The following SLC23A2 variants were observed in gnomAD, a reference collection of about 807,000 sequenced individuals.
SLC23A2 encodes Na(+)/L-ascorbic acid transporter 2.
Under a neutral mutation model 73.3 loss-of-function variants are expected in SLC23A2, and 36 were observed. That is an observed-to-expected ratio of 0.49 (90% CI 0.38 to 0.65). SLC23A2 has a LOEUF of 0.65. Ranked by LOEUF, SLC23A2 falls within the 30% of genes least tolerant of loss-of-function variation. The pLI, the probability that SLC23A2 is intolerant of heterozygous loss-of-function variation, is 0.00. For synonymous variants in SLC23A2, 343 were observed against 327.3 expected (o/e 1.05, Z -0.52); for missense variants, 507 against 841.6 (o/e 0.60, Z 4.92).
chr20:4,863,626 C>T lies in SLC23A2; in HGVS notation c.1357-719G>A, dbSNP rs987033164. Reference sequence around the variant, plus strand: ...TTCCTGCACCCATTCCATGGGGCCACGGGGTCACCTTTCTAACACATGAAA... The same window carrying T: ...TTCCTGCACCCATTCCATGGGGCCATGGGGTCACCTTTCTAACACATGAAA... On this transcript the variant is annotated intron_variant, in intron 13 of 16. Coordinates refer to ENST00000338244, the MANE Select transcript of SLC23A2 (RefSeq NM_005116.6). The surrounding 1 kb of genome is among the most constrained non-coding windows in gnomAD (Gnocchi z 4.8). Among the ~76,000 whole-genome samples, 2 of 152,190 alleles carry T rather than the reference C, an allele frequency of 1.3e-5. No individual in the cohort carries two copies. Among genetic ancestry groups the T allele is most frequent in the East Asian group, 1.9e-4 (1 of 5,182 alleles).
intron 2 of SLC23A2, among the ~76,000 whole-genome samples, chr20:4,967,412 C>T (rs1253573795): frequency 6.6e-6 from 1 of 152,090 alleles, no homozygotes. Context: ...CAGACTTGTT[C>T]TAATTTGCTT....
chr20:4,904,901 G>A (rs895367257), intron 4 of SLC23A2, among the ~76,000 whole-genome samples: 4 of 152,132 alleles, frequency 2.6e-5, no homozygotes, highest in Admixed American at 1.3e-4. Context: ...ATCACCTGAG[G>A]TCAGGAGTTC....
chr20:4,920,582 T>C (rs979764614), intron 3 of SLC23A2, among the ~76,000 whole-genome samples: 3 of 152,232 alleles, frequency 2.0e-5, no homozygotes, highest in South Asian at 2.1e-4. Flanking sequence ...AAATAAATTA[T>C]GGTGTATCTA....
In SLC23A2 at chr20:4,897,150, A is replaced by G. The variant is rs530928870; in HGVS notation, c.482+2405T>C. 3.3e-5 allele frequency among the ~76,000 whole-genome samples: 5 copies of G among 152,238 alleles called. No individual in the cohort carries two copies. In the East Asian group the frequency reaches 9.7e-4, roughly 29 times the overall value. On this transcript the variant is annotated intron_variant, in intron 6 of 16. Coordinates refer to ENST00000338244, the MANE Select transcript of SLC23A2 (RefSeq NM_005116.6). ...ACCTGCCACATAGACCAGTCACTGAATATCTGCAGGGCTGAGCCAGTACTC... is the reference window on the plus strand; with the variant it reads ...ACCTGCCACATAGACCAGTCACTGAGTATCTGCAGGGCTGAGCCAGTACTC...
chr20:4,908,584 A>C (rs1932036010), intron 4 of SLC23A2, among the ~76,000 whole-genome samples: 1 of 152,240 alleles, frequency 6.6e-6, no homozygotes, highest in South Asian at 2.1e-4. Flanking sequence ...TTAAGTAATA[A>C]AATCAATTAG....
In SLC23A2 at chr20:4,998,631, G is replaced by A. The variant is rs912720883; in HGVS notation, c.-282+2775C>T. 7.2e-5 allele frequency among the ~76,000 whole-genome samples: 11 copies of A among 152,114 alleles called. No homozygotes were observed. Among genetic ancestry groups the A allele is most frequent in the Non-Finnish European group, 1.3e-4 (9 of 68,020 alleles). ...ATGAGGTGAGGTTACTGGGCACTGG[G>A]AACCAACAGACTGGTGTGTGAGAGT... is the stretch of plus-strand genomic sequence containing the variant. On this transcript the variant is annotated intron_variant, in intron 1 of 16. Transcript: ENST00000338244. This position sits in a 1 kb window ranked among gnomAD's most constrained non-coding sequence, Gnocchi z 4.1.
chr20:4,890,870 A>G (rs1185870478), intron 6 of SLC23A2, among the ~76,000 whole-genome samples: 3 of 152,190 alleles, frequency 2.0e-5, no homozygotes, highest in African/African-American at 7.2e-5. Context: ...ATTCTGCTGC[A>G]TATCTATTGC....
At chr20:4,983,799 A>C (rs1600202630) in intron 1 of SLC23A2, among the ~76,000 whole-genome samples, 1 of 151,846 alleles carries the variant, frequency 6.6e-6, no homozygotes, top group East Asian at 1.9e-4. Context: ...TCTACTAAAA[A>C]TACAAAATTA....
chr20:4,940,872 G>C (rs1427809945), intron 2 of SLC23A2, among the ~76,000 whole-genome samples: 1 of 152,156 alleles, frequency 6.6e-6, no homozygotes, highest in Non-Finnish European at 1.5e-5. Flanking sequence ...AAGGTTTTAG[G>C]TTGCCAGGTA....
At position 4,947,613 on chromosome 20, in the gene SLC23A2, GGTT is replaced by G. The variant is rs1460959635; in HGVS notation, c.-154-14900_-154-14898del. Among the ~76,000 whole-genome samples, 1 of 152,136 alleles carries G rather than the reference GGTT, an allele frequency of 6.6e-6. No individual in the cohort carries two copies. The highest frequency in any genetic ancestry group is 1.5e-5 in the Non-Finnish European group (1 of 68,026). ...TAGCCCTTATAAAAATTCTGGGAGGGGTTGTTATTCTCTCCATTTCACAGATGA... is the reference window on the plus strand; with the variant it reads ...TAGCCCTTATAAAAATTCTGGGAGGGGTTATTCTCTCCATTTCACAGATGA... On this transcript the variant is annotated intron_variant, in intron 2 of 16. Coordinates refer to ENST00000338244, the MANE Select transcript of SLC23A2 (RefSeq NM_005116.6). This position sits in a 1 kb window ranked among gnomAD's most constrained non-coding sequence, Gnocchi z 4.4.
At chr20:4,861,303 G>A (rs1600073688) in intron 15 of SLC23A2, among the ~76,000 whole-genome samples, 1 of 152,262 alleles carries the variant, frequency 6.6e-6, no homozygotes, top group East Asian at 1.9e-4. Context: ...CAGAGGTGAT[G>A]GCTGCACAAC....
intron 1 of SLC23A2, among the ~76,000 whole-genome samples, chr20:4,979,286 C>A (rs1440963977): frequency 1.3e-5 from 2 of 151,764 alleles, no homozygotes; most frequent in African/African-American, 2.4e-5. Flanking sequence ...GGGTGAGACC[C>A]CCATCTCAAA....
chr20:4,888,863 G>T (rs564879309), intron 6 of SLC23A2, among the ~76,000 whole-genome samples: 1 of 152,322 alleles, frequency 6.6e-6, no homozygotes, highest in African/African-American at 2.4e-5. Flanking sequence ...CTCTGGGAGT[G>T]CTGGTTAAAT....
Position 4,885,902 on chromosome 20 carries a change from G to C in SLC23A2, c.490C>G (p.Leu164Val). 6.2e-7 allele frequency: 1 copy of C among 1,611,938 alleles called. No individual in the cohort carries two copies. The highest frequency in any genetic ancestry group is 8.5e-7 in the Non-Finnish European group (1 of 1,178,704). Reference protein sequence around the residue: ...LQTTFGCRLPLFQASAFAFLA... With the variant: ...LQTTFGCRLPVFQASAFAFLA... ...AATGCAAAAGCACTGGCCTGAAACA[G>C]GGGTAACCTAAAAGAAACGAGACCA... Residue 164 changes from leucine (L) to valine (V), a missense_variant, in exon 7 of 17, where the codon CTG (leucine) becomes GTG (valine). Transcript: ENST00000338244.
rs770027093 is a variant in SLC23A2, at chr20:4,899,363, G to A, written c.482+192C>T. Among the ~76,000 whole-genome samples the A allele has an allele frequency of 4.6e-5, 7 of 152,118 alleles. No individual in the cohort carries two copies. The highest frequency in any genetic ancestry group is 9.7e-5 in the African/African-American group (4 of 41,408). On this transcript the variant is annotated intron_variant, in intron 6 of 16. Coordinates refer to ENST00000338244, the MANE Select transcript of SLC23A2 (RefSeq NM_005116.6). The surrounding 1 kb of genome is among the most constrained non-coding windows in gnomAD (Gnocchi z 4.9). Reference sequence around the variant, plus strand: ...GGACAACTGGGTAGGGGAAGGTGGCGGTGGTGCCATTCACCAAGAGAGGAA... The same window carrying A: ...GGACAACTGGGTAGGGGAAGGTGGCAGTGGTGCCATTCACCAAGAGAGGAA...
At chr20:4,929,465 G>A (rs567112169) in intron 3 of SLC23A2, among the ~76,000 whole-genome samples, 45 of 152,220 alleles carry the variant, frequency 3.0e-4, no homozygotes, top group African/African-American at 1.1e-3. Context: ...GGAAGACAAC[G>A]AGGGCTCCAC....
At chr20:4,981,996 C>CGGACGATGGCA (rs1320298157) in intron 1 of SLC23A2, among the ~76,000 whole-genome samples, 4 of 150,148 alleles carry the variant, frequency 2.7e-5, no homozygotes, top group South Asian at 4.3e-4. Flanking sequence ...CCACCGTGCC[C>CGGACGATGGCA]AGCCTCTTTC....
chr20:4,900,797 C>T (rs940810531), intron 5 of SLC23A2, among the ~76,000 whole-genome samples: 1 of 152,098 alleles, frequency 6.6e-6, no homozygotes, highest in African/African-American at 2.4e-5. Context: ...GCACTCACGA[C>T]TCACTTCCCT....
At chr20:4,860,004 G>A (rs1056162135) in intron 15 of SLC23A2, among the ~76,000 whole-genome samples, 3 of 152,202 alleles carry the variant, frequency 2.0e-5, no homozygotes, top group Admixed American at 1.3e-4. Flanking sequence ...TGGAGAAACA[G>A]AAACCCTCGT....
Sources: gnomAD v4.1 joint callset for allele counts (sites outside exome capture counted in the v4.1 genomes callset) on GRCh38, gnomAD v4.1.1 for gene constraint, Gnocchi (gnomAD v3.1) non-coding constraint, MANE v1.5 for transcripts, NCBI Gene and HGNC (gene_info 2026-07-23, HGNC 2026-07-21) for gene names.